The following NELL1 variants were observed in gnomAD, a reference collection of about 807,000 sequenced individuals.
NELL1 encodes protein kinase C-binding protein NELL1.
A neutral mutation model predicts 107.4 loss-of-function variants in NELL1; 76 were observed. The ratio of observed to expected loss-of-function variants is 0.71; its 90% CI spans 0.59 to 0.86. The LOEUF (loss-of-function observed/expected upper bound fraction) is 0.86. Ranked by LOEUF, NELL1 falls within the 40% of genes least tolerant of loss-of-function variation. NELL1 has a pLI of 0.00. For synonymous variants in NELL1, 353 were observed against 341.2 expected, an observed-to-expected ratio of 1.03 and a Z score of -0.38; for missense variants, 1,024 against 1,005.5, an observed-to-expected ratio of 1.02 and a Z score of -0.25.
intron 3 of NELL1, among the ~76,000 whole-genome samples, chr11:20,806,753 C>T (rs1166975257): frequency 3.3e-5 from 5 of 151,932 alleles, no homozygotes; most frequent in African/African-American, 9.7e-5. Context: ...TTATTTGTCT[C>T]CTCTGGCTCT....
chr11:20,712,447 GC>G, intron 2 of NELL1, among the ~76,000 whole-genome samples: 1 of 152,184 alleles, frequency 6.6e-6, no homozygotes, highest in Middle Eastern at 3.4e-3. Context: ...ACTTTGAGTA[GC>G]TTAATAATCA....
chr11:20,867,589 A>G (rs1000648582), intron 4 of NELL1, among the ~76,000 whole-genome samples: 7 of 152,172 alleles, frequency 4.6e-5, no homozygotes, highest in Non-Finnish European at 1.0e-4. Context: ...AGGAGTTTGA[A>G]CTTGCTGATC....
chr11:21,544,783 C>T (rs1856391688), intron 16 of NELL1, among the ~76,000 whole-genome samples: 1 of 151,842 alleles, frequency 6.6e-6, no homozygotes, highest in African/African-American at 2.4e-5. Context: ...TTATAAAACA[C>T]ACTAATTGAA....
At chr11:21,334,891 A>G (rs1367207101) in intron 14 of NELL1, among the ~76,000 whole-genome samples, 1 of 151,974 alleles carries the variant, frequency 6.6e-6, no homozygotes, top group East Asian at 1.9e-4. Context: ...AGAAAGAGGA[A>G]GAGAAAAAAA....
rs559997366 is a variant in NELL1 at position 20,898,854 on chromosome 11, A to G, written c.603+13314A>G. 1.2e-4 allele frequency among the ~76,000 whole-genome samples: 19 copies of G among 152,230 alleles called. 1 individual carries two copies. In the South Asian group the frequency reaches 3.9e-3, roughly 32 times the overall value. On this transcript the variant is annotated intron_variant, in intron 5 of 19. Transcript: ENST00000357134. The stretch of plus-strand genomic sequence containing the variant: ...CTTTCACAAATCTATAAATAAAACT[A>G]GGGAAGTCTCCTAGTTTTATTTACA...
At chr11:21,573,741 A>G (rs1018673879) in intron 19 of NELL1, among the ~76,000 whole-genome samples, 1 of 151,734 alleles carries the variant, frequency 6.6e-6, no homozygotes, top group Admixed American at 6.6e-5. Flanking sequence ...GGGAAAGAAC[A>G]AGGAAGGGAA....
chr11:20,798,557 A>C (rs1383336870), intron 3 of NELL1, among the ~76,000 whole-genome samples: 1 of 152,222 alleles, frequency 6.6e-6, no homozygotes, highest in Non-Finnish European at 1.5e-5. Flanking sequence ...AAACACTTGC[A>C]TTTCTGGGTA....
intron 12 of NELL1, among the ~76,000 whole-genome samples, chr11:20,992,468 G>A (rs1851996532): frequency 6.6e-6 from 1 of 152,160 alleles, no homozygotes; most frequent in Non-Finnish European, 1.5e-5. Flanking sequence ...TGCTCGTTTT[G>A]TAGATTAGGA....
At chr11:20,857,122 A>T (rs1393077863) in intron 4 of NELL1, among the ~76,000 whole-genome samples, 1 of 152,142 alleles carries the variant, frequency 6.6e-6, no homozygotes, top group Non-Finnish European at 1.5e-5. Context: ...ATGCATCCAG[A>T]GGGAGAGAGG....
chr11:21,516,692 T>C (rs1855569706), intron 15 of NELL1, among the ~76,000 whole-genome samples: 1 of 151,976 alleles, frequency 6.6e-6, no homozygotes, highest in African/African-American at 2.4e-5. Context: ...TATACTCTTA[T>C]AGGATCACTG....
At position 21,145,493 on chromosome 11, in the gene NELL1, TG is replaced by T. The variant is rs376830873; in HGVS notation, c.1426+31780del. On this transcript the variant is annotated intron_variant, in intron 13 of 19. Coordinates refer to ENST00000357134, the MANE Select transcript of NELL1 (RefSeq NM_006157.5). Reference sequence around the variant, plus strand: ...GAGATAGAAAGATGTGGGTTGGTATTGTTTAAATTAACCAGATATCAGATGT... The same window carrying T: ...GAGATAGAAAGATGTGGGTTGGTATTTTTAAATTAACCAGATATCAGATGT... Among the ~76,000 whole-genome samples, 1,166 of 152,312 alleles carry T rather than the reference TG, an allele frequency of 7.7e-3. 15 individuals are homozygous for T. The highest frequency in any genetic ancestry group is 0.026 in the African/African-American group (1,096 of 41,560).
intron 2 of NELL1, among the ~76,000 whole-genome samples, chr11:20,773,124 C>T (rs2133970747): frequency 6.6e-6 from 1 of 152,280 alleles, no homozygotes; most frequent in South Asian, 2.1e-4. Flanking sequence ...TGGCTGGCAA[C>T]CCCTGCTCAC....
chr11:21,267,520 A>G (rs975074169), intron 14 of NELL1, among the ~76,000 whole-genome samples: 1 of 152,112 alleles, frequency 6.6e-6, no homozygotes, highest in African/African-American at 2.4e-5. Flanking sequence ...AGTATGATCT[A>G]TAAAAACAGT....
intron 13 of NELL1, among the ~76,000 whole-genome samples, chr11:21,172,305 T>C (rs16907616): frequency 0.05 from 7,542 of 151,948 alleles, 270 homozygotes; most frequent in South Asian, 0.12. Context: ...AGCTCAAGCT[T>C]GTTAGCACAG....
chr11:21,091,662 C>A (rs2133689726), intron 12 of NELL1, among the ~76,000 whole-genome samples: 1 of 152,038 alleles, frequency 6.6e-6, no homozygotes, highest in African/African-American at 2.4e-5. Flanking sequence ...ATTATTTGTC[C>A]TTAGTCATTT....
chr11:20,942,506 G>A (rs2134192586), intron 10 of NELL1, among the ~76,000 whole-genome samples: 1 of 152,170 alleles, frequency 6.6e-6, no homozygotes, highest in South Asian at 2.1e-4. Flanking sequence ...CAGGTGGGGT[G>A]GTCAATAACC....
intron 13 of NELL1, among the ~76,000 whole-genome samples, chr11:21,206,351 T>C (rs1232220249): frequency 1.3e-5 from 2 of 152,106 alleles, no homozygotes; most frequent in African/African-American, 4.8e-5. Context: ...ACACCAGTCA[T>C]TGGATTTAGG....
At chr11:20,990,412 C>T (rs954259935) in intron 12 of NELL1, among the ~76,000 whole-genome samples, 1 of 152,294 alleles carries the variant, frequency 6.6e-6, no homozygotes, top group East Asian at 1.9e-4. Flanking sequence ...TTTCACAGTG[C>T]CCACTTGACC....
At chr11:21,493,402 C>T (rs1854883932) in intron 15 of NELL1, among the ~76,000 whole-genome samples, 1 of 151,908 alleles carries the variant, frequency 6.6e-6, no homozygotes, top group Non-Finnish European at 1.5e-5. Flanking sequence ...TACTATTTCT[C>T]CATAGAAAAG....
Sources: allele counts gnomAD v4.1 joint callset (sites outside exome capture counted in the v4.1 genomes callset), GRCh38; gene constraint gnomAD v4.1.1; transcripts MANE v1.5; gene names NCBI Gene and HGNC (gene_info 2026-07-23, HGNC 2026-07-21).